The following TPPP2 variants were observed in gnomAD, a reference collection of about 807,000 sequenced individuals.
The protein encoded by TPPP2 is tubulin polymerization-promoting protein family member 2.
A neutral mutation model predicts 13.0 loss-of-function variants in TPPP2; 8 were observed. The ratio of observed to expected loss-of-function variants is 0.62; its 90% CI spans 0.36 to 1.11. The LOEUF is 1.11. TPPP2 is among the 50% of genes most tolerant of loss of function. The pLI is 0.02. For synonymous variants in TPPP2, 81 were observed against 81.8 expected (o/e 0.99, Z 0.05); for missense variants, 213 against 216.9 (o/e 0.98, Z 0.11).
At chr14:21,035,164 G>A (rs75801210), downstream of TPPP2, among the ~76,000 whole-genome samples, 918 of 152,262 alleles carry the variant, frequency 6.0e-3, 15 homozygotes, top group African/African-American at 0.021. Context: ...ACCTCCATGT[G>A]GACTCCCCAC....
At chr14:21,026,594 AAAG>A (rs1594466536), upstream of TPPP2, among the ~76,000 whole-genome samples, 1 of 150,986 alleles carries the variant, frequency 6.6e-6, no homozygotes, top group African/African-American at 2.4e-5. Context: ...GGTCTACTGG[AAAG>A]AAGGAGAGGC....
upstream of TPPP2, chr14:21,025,236 G>A: frequency 4.8e-6 from 4 of 837,690 alleles, no homozygotes; most frequent in Non-Finnish European, 5.8e-6. This position sits in a 1 kb window ranked among gnomAD's most constrained non-coding sequence, Gnocchi z 5.1. Flanking sequence ...CTGGGGCCGG[G>A]GGGCGAGGGG....
chr14:21,031,063 G>A lies in TPPP2; in HGVS notation c.225G>A (p.Lys75=). 6.2e-7 allele frequency: 1 copy of A among 1,614,164 alleles called. No individual in the cohort carries two copies. The highest frequency in any genetic ancestry group is 8.5e-7 in the Non-Finnish European group (1 of 1,180,028). ...TTCAACAGTTCAAAGAGGCAGTGAA[G>A]GAACTGGGCCAGAAGCGCTTCAAAG... ...ITFQQFKEAV[K]ELGQKRFKGK... is the part of the protein sequence containing the mutation. Residue 75 remains lysine, a synonymous_variant, in exon 3 of 4, where the codon AAG becomes AAA. Coordinates refer to ENST00000321760, the MANE Select transcript of TPPP2 (RefSeq NM_173846.5).
At chr14:21,035,520 T>C (rs1884563215), downstream of TPPP2, among the ~76,000 whole-genome samples, 1 of 152,224 alleles carries the variant, frequency 6.6e-6, no homozygotes, top group Admixed American at 6.5e-5. Context: ...TCAGCCTTGT[T>C]AGTCTGCAAG....
At chr14:21,035,135 G>T (rs1884535278), downstream of TPPP2, among the ~76,000 whole-genome samples, 1 of 152,166 alleles carries the variant, frequency 6.6e-6, no homozygotes, top group South Asian at 2.1e-4. Context: ...CCACCAAAGT[G>T]CTGGGCTGAG....
chr14:21,031,174 C>G lies in TPPP2; in HGVS notation c.327+9C>G. ...CCACCACTGGCGCTACTGTGAGTGACAGCCTTCATCCCCTTGACCCTACTT... is the reference window on the plus strand; with the variant it reads ...CCACCACTGGCGCTACTGTGAGTGAGAGCCTTCATCCCCTTGACCCTACTT... On this transcript the variant is annotated intron_variant, in intron 3 of 3. Transcript: ENST00000321760. 1 of 1,612,592 alleles carries G rather than the reference C, an allele frequency of 6.2e-7. No individual in the cohort carries two copies. Among genetic ancestry groups the G allele is most frequent in the Non-Finnish European group, 8.5e-7 (1 of 1,179,294 alleles).
Position 21,032,177 on chromosome 14 carries a change from C to A in TPPP2, c.*100C>A. ...CATCTGTGTGTGCAGCAGCCAAAATCTCTGTCTGTGAGGGACAGATGAGCC... is the reference window on the plus strand; with the variant it reads ...CATCTGTGTGTGCAGCAGCCAAAATATCTGTCTGTGAGGGACAGATGAGCC... On this transcript the variant is annotated 3_prime_UTR_variant, in exon 4 of 4. Coordinates refer to ENST00000321760, the MANE Select transcript of TPPP2 (RefSeq NM_173846.5). The A allele has an allele frequency of 7.8e-7, 1 of 1,275,320 alleles. No individual in the cohort carries two copies. The highest frequency in any genetic ancestry group is 1.1e-6 in the Non-Finnish European group (1 of 885,150). The allele number at this position is 1,275,320 out of a possible 1,614,324, so 79.0% of individuals were successfully genotyped here.
downstream of TPPP2, chr14:21,036,072 T>A (rs548769625): frequency 2.5e-6 from 1 of 395,696 alleles, no homozygotes; most frequent in Non-Finnish European, 5.0e-6. Flanking sequence ...CAAGAGTTTT[T>A]AGACCAGTGC....
chr14:21,036,152 T>C (rs890299892), downstream of TPPP2: 5 of 455,860 alleles, frequency 1.1e-5, no homozygotes, highest in Admixed American at 1.2e-4. Flanking sequence ...TCTTAAACTT[T>C]TCCCAAGCCC....
At chr14:21,025,349 T>C (rs148989335), upstream of TPPP2, 744 of 981,378 alleles carry the variant, frequency 7.6e-4, 3 homozygotes, top group African/African-American at 0.012. The surrounding 1 kb of genome is among the most constrained non-coding windows in gnomAD (Gnocchi z 5.1). Flanking sequence ...CCCTCAGCCC[T>C]GAGAGGGATC....
At chr14:21,031,299 C>A in intron 3 of TPPP2, 134 bp downstream of exon 3, 1 of 1,219,000 alleles carries the variant, frequency 8.2e-7, no homozygotes, top group Non-Finnish European at 1.1e-6. Context: ...TCTAGACATT[C>A]CAGAAGTCAG....
rs1190043767 is a variant in TPPP2, at chr14:21,032,023, A to G, written c.459A>G (p.Thr153=). 1.1e-5 allele frequency: 18 copies of G among 1,614,068 alleles called. No homozygotes were observed. Among genetic ancestry groups the G allele is most frequent in the Non-Finnish European group, 1.4e-5 (16 of 1,180,038 alleles). ...IAGREEMTDN[T]GYVSGYKGSG... ...GACGGGAAGAGATGACTGACAACAC[A>G]GGCTATGTGAGTGGTTACAAGGGTT... Residue 153 remains threonine (T), a synonymous_variant, in exon 4 of 4, where the codon ACA becomes ACG. Coordinates refer to ENST00000321760, the MANE Select transcript of TPPP2 (RefSeq NM_173846.5).
Position 21,032,189 on chromosome 14 carries a change from G to C in TPPP2, c.*112G>C. Reference sequence around the variant, plus strand: ...CAGCAGCCAAAATCTCTGTCTGTGAGGGACAGATGAGCCTACTAGTGTAGA... The same window carrying C: ...CAGCAGCCAAAATCTCTGTCTGTGACGGACAGATGAGCCTACTAGTGTAGA... On this transcript the variant is annotated 3_prime_UTR_variant, in exon 4 of 4. Coordinates refer to ENST00000321760, the MANE Select transcript of TPPP2 (RefSeq NM_173846.5). 4 of 1,120,176 alleles carry C rather than the reference G, an allele frequency of 3.6e-6. No individual in the cohort carries two copies. Among genetic ancestry groups the C allele is most frequent in the Non-Finnish European group, 5.3e-6 (4 of 749,002 alleles). The allele number at this position is 1,120,176 out of a possible 1,614,324, so 69.4% of individuals were successfully genotyped here.
chr14:21,032,287 T>G lies in TPPP2; in HGVS notation c.*210T>G. 1.5e-6 allele frequency: 1 copy of G among 662,454 alleles called. No individual in the cohort carries two copies. Among genetic ancestry groups the G allele is most frequent in the Non-Finnish European group, 2.8e-6 (1 of 359,776 alleles). The allele number at this position is 662,454 out of a possible 1,614,324, so 41.0% of individuals were successfully genotyped here. On this transcript the variant is annotated 3_prime_UTR_variant, in exon 4 of 4. Transcript: ENST00000321760. ...CCTTCGCTCTGCTTAGCCTTATGCC[T>G]ACCAGCCATCAGTTAGCATTCCTCC...
chr14:21,034,397 T>A (rs1400470760), downstream of TPPP2: 3 of 785,248 alleles, frequency 3.8e-6, no homozygotes, highest in Middle Eastern at 3.9e-4. Flanking sequence ...ACTTTAGAGA[T>A]CATCTCACCC....
upstream of TPPP2, chr14:21,025,936 G>T (rs1389551804): frequency 1.3e-5 from 2 of 158,214 alleles, no homozygotes; most frequent in Non-Finnish European, 2.7e-5. This position sits in a 1 kb window ranked among gnomAD's most constrained non-coding sequence, Gnocchi z 5.1. Context: ...TAACCCTGCG[G>T]GGGTGGAGTA....
chr14:21,034,277 AGCT>A, downstream of TPPP2: 1 of 1,610,428 alleles, frequency 6.2e-7, no homozygotes, highest in Non-Finnish European at 8.5e-7. Context: ...GCCGGGTCAC[AGCT>A]GGTGCCATTC....
chr14:21,036,043 G>A (rs117065194), downstream of TPPP2: 318 of 380,248 alleles, frequency 8.4e-4, no homozygotes, highest in East Asian at 0.02. Context: ...GCAGTATGAG[G>A]ATCCATTAAG....
Position 21,025,028 on chromosome 14 carries a change from C to T in TPPP2, n.236+684C>T. The T allele has an allele frequency of 1.0e-6, 1 of 986,122 alleles. No individual in the cohort carries two copies. Among genetic ancestry groups the T allele is most frequent in the East Asian group, 1.1e-4 (1 of 8,812 alleles). The allele number at this position is 986,122 out of a possible 1,614,324, so 61.1% of individuals were successfully genotyped here. On this transcript the variant is annotated intron_variant and non_coding_transcript_variant, in intron 1 of 1. Transcript: ENST00000533755. The surrounding 1 kb of genome is among the most constrained non-coding windows in gnomAD (Gnocchi z 5.1). ...GGCCCCTCGCCTGCCCCTCCCCCTA[C>T]CTGCTGCCGCCGCGGCCGCTTCCAC...
Sources: allele counts gnomAD v4.1 joint callset (sites outside exome capture counted in the v4.1 genomes callset), GRCh38; gene constraint gnomAD v4.1.1; non-coding constraint Gnocchi (gnomAD v3.1); transcripts MANE v1.5; gene names NCBI Gene and HGNC (gene_info 2026-07-23, HGNC 2026-07-21).